SUPT3H: variants seen among roughly 807,000 people sequenced by gnomAD.
SUPT3H encodes the protein SPT3 homolog, SAGA and STAGA complex component, also known as transcription initiation protein SPT3 homolog.
In SUPT3H, 44 loss-of-function variants were observed where a neutral mutation model predicts 44.3. That is an observed-to-expected ratio of 0.99 (90% CI 0.78 to 1.28). SUPT3H has a LOEUF of 1.28. SUPT3H is among the 50% of genes most tolerant of loss of function. The pLI is 0.00. For synonymous variants in SUPT3H, 124 were observed against 125.6 expected (o/e 0.99, Z 0.09); for missense variants, 380 against 387.1 (o/e 0.98, Z 0.15).
chr6:45,364,825 A>G (rs759439584), intron 2 of SUPT3H, among the ~76,000 whole-genome samples: 65 of 152,206 alleles, frequency 4.3e-4, no homozygotes, highest in Non-Finnish European at 2.6e-4. Flanking sequence ...AAGAACTTCC[A>G]TGTGAAAACA....
At chr6:45,111,531 C>G (rs1384053435) in intron 2 of SUPT3H, among the ~76,000 whole-genome samples, 1 of 135,620 alleles carries the variant, frequency 7.4e-6, no homozygotes, top group South Asian at 2.7e-4. Flanking sequence ...CCCCCTCCCT[C>G]CCCCCCGCAA....
chr6:45,264,190 A>C (rs1364393080), intron 2 of SUPT3H, among the ~76,000 whole-genome samples: 2 of 152,148 alleles, frequency 1.3e-5, no homozygotes, highest in African/African-American at 2.4e-5. Context: ...TATAAAACAG[A>C]AATGACAAAG....
intron 10 of SUPT3H, among the ~76,000 whole-genome samples, chr6:44,874,938 T>G (rs1321175063): frequency 7.5e-6 from 1 of 133,974 alleles, no homozygotes; most frequent in Non-Finnish European, 1.6e-5. Context: ...GGAATCCAAC[T>G]TACAAGGGAT....
chr6:45,120,443 A>AG (rs1801493672), intron 2 of SUPT3H, among the ~76,000 whole-genome samples: 1 of 140,618 alleles, frequency 7.1e-6, no homozygotes, highest in East Asian at 2.1e-4. Context: ...AAAAAAAAAG[A>AG]CTATATAAGC....
At chr6:45,132,152 C>G (rs751228542) in intron 2 of SUPT3H, among the ~76,000 whole-genome samples, 10 of 152,146 alleles carry the variant, frequency 6.6e-5, no homozygotes, top group Non-Finnish European at 1.5e-4. Context: ...GAAAGCTAAA[C>G]TGCAAATAAG....
chr6:45,253,757 C>A (rs1310274061), intron 2 of SUPT3H, among the ~76,000 whole-genome samples: 1 of 151,172 alleles, frequency 6.6e-6, no homozygotes, highest in Non-Finnish European at 1.5e-5. Context: ...TGTGCTACTA[C>A]ACCCGAGGCA....
intron 2 of SUPT3H, among the ~76,000 whole-genome samples, chr6:45,351,856 G>C (rs1194819660): frequency 2.6e-5 from 4 of 152,182 alleles, no homozygotes; most frequent in Admixed American, 2.6e-4. Context: ...TGAGCACTTT[G>C]AAAAAGAGTA....
intron 2 of SUPT3H, among the ~76,000 whole-genome samples, chr6:45,268,868 T>C (rs1480564727): frequency 6.6e-6 from 1 of 152,222 alleles, no homozygotes; most frequent in African/African-American, 2.4e-5. Context: ...ATTTAATGAA[T>C]ATATTGGTTA....
chr6:45,097,681 T>C (rs968225813), intron 3 of SUPT3H: 3 of 152,352 alleles, frequency 2.0e-5, no homozygotes, highest in African/African-American at 7.2e-5. Context: ...ATGAAGATAA[T>C]ACTGCTGTCC....
At chr6:45,057,657 T>C (rs752932239) in intron 3 of SUPT3H, among the ~76,000 whole-genome samples, 6 of 152,268 alleles carry the variant, frequency 3.9e-5, no homozygotes, top group Middle Eastern at 3.4e-3. Flanking sequence ...ATGTGTCTCA[T>C]TGAGACAAAA....
At chr6:45,370,182 A>G (rs1294276028) in intron 1 of SUPT3H, among the ~76,000 whole-genome samples, 1 of 152,222 alleles carries the variant, frequency 6.6e-6, no homozygotes, top group Non-Finnish European at 1.5e-5. Context: ...TGTGCAGACA[A>G]GAGATGACAG....
chr6:45,282,264 A>G (rs1288237492), intron 2 of SUPT3H, among the ~76,000 whole-genome samples: 2 of 152,228 alleles, frequency 1.3e-5, no homozygotes, highest in Non-Finnish European at 2.9e-5. Context: ...TTGAGAGAAG[A>G]AGGTTTCAGA....
intron 2 of SUPT3H, among the ~76,000 whole-genome samples, chr6:45,219,403 A>G (rs946977030): frequency 2.0e-5 from 3 of 152,110 alleles, no homozygotes; most frequent in Admixed American, 2.0e-4. Context: ...ACTAACAAAA[A>G]TAGAGAAAAG....
chr6:45,134,636 T>C (rs1392565810), intron 2 of SUPT3H, among the ~76,000 whole-genome samples: 5 of 142,360 alleles, frequency 3.5e-5, no homozygotes, highest in Non-Finnish European at 8.1e-5. Context: ...GGTGAAGGCA[T>C]AGGACAGACA....
At chr6:45,221,260 A>G (rs1315284812) in intron 2 of SUPT3H, among the ~76,000 whole-genome samples, 1 of 152,122 alleles carries the variant, frequency 6.6e-6, no homozygotes, top group Non-Finnish European at 1.5e-5. Context: ...CATTAGGAGA[A>G]ATCTAATGTA....
At chr6:45,224,293 A>G (rs192831768) in intron 2 of SUPT3H, among the ~76,000 whole-genome samples, 9 of 152,148 alleles carry the variant, frequency 5.9e-5, no homozygotes, top group East Asian at 1.9e-4. Flanking sequence ...AATTCTCTCA[A>G]TGGGATTGTT....
chr6:45,237,242 T>C (rs879796013), intron 2 of SUPT3H, among the ~76,000 whole-genome samples: 1 of 152,232 alleles, frequency 6.6e-6, no homozygotes, highest in Non-Finnish European at 1.5e-5. Flanking sequence ...GGAGTGGACA[T>C]TTCAATCATT....
intron 10 of SUPT3H, among the ~76,000 whole-genome samples, chr6:44,921,411 T>A (rs1768701578): frequency 6.6e-6 from 1 of 152,222 alleles, no homozygotes; most frequent in African/African-American, 2.4e-5. Context: ...CTTAATTTTT[T>A]ATTTTAACCA....
At chr6:45,169,529 ATTGC>A (rs1159657547) in intron 2 of SUPT3H, among the ~76,000 whole-genome samples, 1 of 152,226 alleles carries the variant, frequency 6.6e-6, no homozygotes, top group African/African-American at 2.4e-5. Context: ...TATCCAAAAT[ATTGC>A]TTGAACATAA....
Sources: gnomAD v4.1 joint callset for allele counts (sites outside exome capture counted in the v4.1 genomes callset) on GRCh38, gnomAD v4.1.1 for gene constraint, MANE v1.5 for transcripts, NCBI Gene and HGNC (gene_info 2026-07-23, HGNC 2026-07-21) for gene names.